LAMA2: variants seen among roughly 807,000 people sequenced by gnomAD.
The protein encoded by LAMA2 is laminin subunit alpha-2.
LAMA2 carries 269 observed loss-of-function variants against 364.8 expected under a neutral mutation model. That is an observed-to-expected ratio of 0.74 (90% CI 0.67 to 0.82). The LOEUF (loss-of-function observed/expected upper bound fraction) is 0.82. Among genes scored for constraint, LAMA2 ranks in the 40% least tolerant of loss-of-function variants. LAMA2 has a pLI of 0.00. For missense variants in LAMA2, 3,807 were observed against 3,873.2 expected (o/e 0.98, Z 0.45); for synonymous variants, 1,379 against 1,370.6 (o/e 1.01, Z -0.14).
At chr6:129,322,393 A>G (rs571405276) in intron 28 of LAMA2, among the ~76,000 whole-genome samples, 2 of 152,342 alleles carry the variant, frequency 1.3e-5, no homozygotes, top group Admixed American at 1.3e-4. Context: ...TGACCTTTCC[A>G]GTGAGCATTG....
chr6:129,453,766 A>G lies in LAMA2; in HGVS notation c.6574-389A>G, dbSNP rs142935000. On this transcript the variant is annotated intron_variant, in intron 46 of 64. Coordinates refer to ENST00000421865, the MANE Select transcript of LAMA2 (RefSeq NM_000426.4). The stretch of plus-strand genomic sequence containing the variant: ...AAGGAATTCTGGGTCAATTTGGGAA[A>G]TAAAATCATAGCTGCCCCCTCAAAA... Among the ~76,000 whole-genome samples, 1,257 of 152,262 alleles carry G rather than the reference A, an allele frequency of 8.3e-3. 16 individuals are homozygous for G. The highest frequency in any genetic ancestry group is 0.026 in the African/African-American group (1,089 of 41,582).
At chr6:128,917,703 T>TC in intron 1 of LAMA2, among the ~76,000 whole-genome samples, 3 of 95,424 alleles carry the variant, frequency 3.1e-5, no homozygotes, top group Admixed American at 1.2e-4. Context: ...CTTTTTCTTT[T>TC]TTTTTTCTTT....
chr6:129,450,841 G>T (rs1368002149), intron 45 of LAMA2, among the ~76,000 whole-genome samples: 1 of 152,158 alleles, frequency 6.6e-6, no homozygotes, highest in Non-Finnish European at 1.5e-5. Context: ...GTCAGATCTT[G>T]ATTTCTTGTT....
chr6:129,094,718 G>A (rs929373967), intron 3 of LAMA2, among the ~76,000 whole-genome samples: 50 of 151,890 alleles, frequency 3.3e-4, no homozygotes, highest in African/African-American at 1.2e-3. Flanking sequence ...TATTTTTTCT[G>A]GAAGGAAACA....
At position 129,236,961 on chromosome 6, in the gene LAMA2, A is replaced by G. The variant is rs145395627; in HGVS notation, c.1783-13151A>G. 1.3e-5 allele frequency among the ~76,000 whole-genome samples: 2 copies of G among 152,318 alleles called. 1 individual carries two copies. The highest frequency in any genetic ancestry group is 1.3e-4 in the Admixed American group (2 of 15,302). ...TGAATGCACTCAAACGTGTTCAGCA[A>G]TCAGCACAGAGGTTAAACATTGACT... On this transcript the variant is annotated intron_variant, in intron 12 of 64. Coordinates refer to ENST00000421865, the MANE Select transcript of LAMA2 (RefSeq NM_000426.4).
At chr6:129,290,978 A>G (rs2114430283) in intron 19 of LAMA2, among the ~76,000 whole-genome samples, 1 of 152,304 alleles carries the variant, frequency 6.6e-6, no homozygotes, top group Non-Finnish European at 1.5e-5. Flanking sequence ...AAAAAGGCAT[A>G]AATATTTCAC....
chr6:129,203,868 G>T (rs1487629278), intron 12 of LAMA2, among the ~76,000 whole-genome samples: 2 of 152,128 alleles, frequency 1.3e-5, no homozygotes, highest in Admixed American at 1.3e-4. Context: ...GCAAAATGAG[G>T]CTTCTAGCAC....
At chr6:129,306,598 A>G (rs1312039286) in intron 22 of LAMA2, among the ~76,000 whole-genome samples, 1 of 151,176 alleles carries the variant, frequency 6.6e-6, no homozygotes, top group East Asian at 1.9e-4. Flanking sequence ...CATTTTTTGT[A>G]TGTTGGGCCA....
At chr6:129,263,919 G>A (rs1283823547) in intron 15 of LAMA2, among the ~76,000 whole-genome samples, 1 of 150,808 alleles carries the variant, frequency 6.6e-6, no homozygotes, top group Non-Finnish European at 1.5e-5. Context: ...TTTTTTGTTT[G>A]TTTTAATAGA....
chr6:129,110,132 T>C (rs1417865088), intron 4 of LAMA2, among the ~76,000 whole-genome samples: 2 of 152,040 alleles, frequency 1.3e-5, no homozygotes, highest in Non-Finnish European at 2.9e-5. Flanking sequence ...GTTCTACTTA[T>C]ATTCATTGCA....
At chr6:129,306,035 C>T (rs143449700) in intron 22 of LAMA2, among the ~76,000 whole-genome samples, 2 of 152,132 alleles carry the variant, frequency 1.3e-5, no homozygotes, top group African/African-American at 4.8e-5. Flanking sequence ...AGTCCCCTTT[C>T]CTATCCTTTG....
chr6:128,998,190 G>A (rs1006422409), intron 1 of LAMA2, among the ~76,000 whole-genome samples: 2 of 152,172 alleles, frequency 1.3e-5, no homozygotes, highest in Non-Finnish European at 2.9e-5. Context: ...GGAGAGGTAG[G>A]AAGGAAGATG....
chr6:129,444,135 C>T (rs939448576), intron 44 of LAMA2, among the ~76,000 whole-genome samples: 2 of 152,042 alleles, frequency 1.3e-5, no homozygotes, highest in Non-Finnish European at 1.5e-5. Context: ...AAATTTAACA[C>T]ATAAGAGATC....
rs113323126 is a variant in LAMA2 at position 129,503,924 on chromosome 6, A to G, written c.8547+644A>G. On this transcript the variant is annotated intron_variant, in intron 60 of 64. Coordinates refer to ENST00000421865, the MANE Select transcript of LAMA2 (RefSeq NM_000426.4). ...GTACTATTATGGGCACAGAAGGCTCATTTGCCAGCTTACTGTCCTCTTTGG... is the reference window on the plus strand; with the variant it reads ...GTACTATTATGGGCACAGAAGGCTCGTTTGCCAGCTTACTGTCCTCTTTGG... 8.3e-3 allele frequency among the ~76,000 whole-genome samples: 1,265 copies of G among 152,330 alleles called. 12 individuals carry two copies. Among genetic ancestry groups the G allele is most frequent in the Non-Finnish European group, 0.014 (945 of 68,030 alleles).
intron 29 of LAMA2, among the ~76,000 whole-genome samples, chr6:129,329,857 C>A (rs1019038808): frequency 1.3e-5 from 2 of 152,138 alleles, no homozygotes; most frequent in African/African-American, 4.8e-5. Flanking sequence ...AAGCAGCAGG[C>A]AAAGGAGCAA....
At position 129,428,961 on chromosome 6, in the gene LAMA2, T is replaced by A. The variant is rs140790857; in HGVS notation, c.5968+1107T>A. Among the ~76,000 whole-genome samples the A allele has an allele frequency of 2.8e-3, 420 of 152,286 alleles. 2 individuals carry two copies. Among genetic ancestry groups the A allele is most frequent in the African/African-American group, 9.6e-3 (398 of 41,556 alleles). Reference sequence around the variant, plus strand: ...CAGTTTCATTCCCTACCATTTTCTGTCTCATATCTGTCTCCCTACCCTTAC... The same window carrying A: ...CAGTTTCATTCCCTACCATTTTCTGACTCATATCTGTCTCCCTACCCTTAC... On this transcript the variant is annotated intron_variant, in intron 41 of 64. Transcript: ENST00000421865.
chr6:128,985,099 G>C (rs964966042), intron 1 of LAMA2, among the ~76,000 whole-genome samples: 2 of 152,054 alleles, frequency 1.3e-5, no homozygotes, highest in Admixed American at 1.3e-4. Flanking sequence ...TTCATAGACT[G>C]TCTTATTCTT....
At chr6:129,387,879 AAC>A (rs1779103017) in intron 35 of LAMA2, among the ~76,000 whole-genome samples, 1 of 152,184 alleles carries the variant, frequency 6.6e-6, no homozygotes, top group Admixed American at 6.5e-5. Flanking sequence ...GGAGGGGAAC[AAC>A]ACACACTGGA....
At chr6:129,032,712 G>A (rs1270270934) in intron 1 of LAMA2, among the ~76,000 whole-genome samples, 2 of 152,194 alleles carry the variant, frequency 1.3e-5, no homozygotes, top group African/African-American at 2.4e-5. Context: ...GGCTATTGCA[G>A]ATGTCCAGAT....
Sources: gnomAD v4.1 joint callset for allele counts (sites outside exome capture counted in the v4.1 genomes callset) on GRCh38, gnomAD v4.1.1 for gene constraint, MANE v1.5 for transcripts, NCBI Gene and HGNC (gene_info 2026-07-23, HGNC 2026-07-21) for gene names.